The following OSBPL1A variants were observed in gnomAD, a reference collection of about 807,000 sequenced individuals.
OSBPL1A encodes the protein oxysterol-binding protein-related protein 1.
Under a neutral mutation model 137.1 loss-of-function variants are expected in OSBPL1A, and 80 were observed. The observed-to-expected ratio is 0.58, with a 90% CI of 0.49 to 0.70. The LOEUF is 0.70. Among genes scored for constraint, OSBPL1A ranks in the 30% least tolerant of loss-of-function variants. The pLI is 0.00. For missense variants in OSBPL1A, 970 were observed against 1,129.4 expected, an observed-to-expected ratio of 0.86 and a Z score of 2.02; for synonymous variants, 365 against 389.7, an observed-to-expected ratio of 0.94 and a Z score of 0.75.
intron 17 of OSBPL1A, among the ~76,000 whole-genome samples, chr18:24,196,460 C>T (rs113048494): frequency 6.6e-6 from 1 of 152,292 alleles, no homozygotes; most frequent in East Asian, 1.9e-4. Flanking sequence ...CCTCCCAGTC[C>T]TTGGGATCCA....
At chr18:24,175,125 T>TATATAC (rs2086407799) in intron 21 of OSBPL1A, among the ~76,000 whole-genome samples, 2 of 130,940 alleles carry the variant, frequency 1.5e-5, no homozygotes, top group African/African-American at 6.7e-5. Context: ...TATATATATA[T>TATATAC]ATATATATAT....
chr18:24,340,142 ATAC>A (rs2091249809), intron 5 of OSBPL1A, among the ~76,000 whole-genome samples: 1 of 152,352 alleles, frequency 6.6e-6, no homozygotes, highest in East Asian at 1.9e-4. Flanking sequence ...AACATTAGAA[ATAC>A]TACTAAAAAA....
At chr18:24,170,977 C>T (rs180675495) in intron 23 of OSBPL1A, among the ~76,000 whole-genome samples, 1 of 151,540 alleles carries the variant, frequency 6.6e-6, no homozygotes, top group East Asian at 1.9e-4. Context: ...AATAAACTTC[C>T]TTGTAGAAGA....
chr18:24,244,513 A>G (rs2088822986), intron 15 of OSBPL1A, among the ~76,000 whole-genome samples: 2 of 152,246 alleles, frequency 1.3e-5, no homozygotes, highest in Non-Finnish European at 2.9e-5. Flanking sequence ...CATTCAAGTT[A>G]ACAAAAATGT....
chr18:24,315,887 T>C (rs925708765), intron 11 of OSBPL1A, among the ~76,000 whole-genome samples: 1 of 128,746 alleles, frequency 7.8e-6, no homozygotes, highest in Non-Finnish European at 1.6e-5. Context: ...TAATAAAATA[T>C]ATTAAAGATA....
chr18:24,179,421 C>A, intron 20 of OSBPL1A: 1 of 294,434 alleles, frequency 3.4e-6, no homozygotes, highest in East Asian at 7.7e-5. Context: ...GCACATGTAC[C>A]CTAAAACTTA....
At chr18:24,272,169 G>T (rs1416603714) in intron 15 of OSBPL1A, 28 of 983,928 alleles carry the variant, frequency 2.8e-5, no homozygotes, top group Non-Finnish European at 3.4e-5. Context: ...GTGCCGCGCC[G>T]AGGCGCCTGC....
At chr18:24,376,314 G>A (rs910631874) in intron 2 of OSBPL1A, among the ~76,000 whole-genome samples, 25 of 152,266 alleles carry the variant, frequency 1.6e-4, no homozygotes, top group African/African-American at 6.0e-4. Flanking sequence ...GGACACAAAG[G>A]TTCTCCAAGG....
chr18:24,316,520 C>T (rs534531053), intron 11 of OSBPL1A, among the ~76,000 whole-genome samples: 2 of 152,154 alleles, frequency 1.3e-5, no homozygotes, highest in East Asian at 3.9e-4. Flanking sequence ...TGGTTATGTT[C>T]ATATCAGACA....
intron 1 of OSBPL1A, among the ~76,000 whole-genome samples, chr18:24,391,870 C>CT (rs200767550): frequency 9.8e-4 from 148 of 151,422 alleles, no homozygotes; most frequent in Middle Eastern, 6.8e-3. Context: ...TGTACTTTTT[C>CT]TTTTTTTTTG....
intron 14 of OSBPL1A, among the ~76,000 whole-genome samples, chr18:24,281,853 G>A (rs2089966185): frequency 1.3e-5 from 2 of 152,196 alleles, no homozygotes; most frequent in African/African-American, 4.8e-5. Flanking sequence ...GGTCCTGTTA[G>A]GAACCTGGCC....
At chr18:24,175,688 G>A (rs1173699066) in intron 21 of OSBPL1A, among the ~76,000 whole-genome samples, 1 of 151,858 alleles carries the variant, frequency 6.6e-6, no homozygotes, top group Non-Finnish European at 1.5e-5. Context: ...TATAATTTTG[G>A]TATCATATCC....
At chr18:24,349,093 G>A (rs182224845) in intron 4 of OSBPL1A, among the ~76,000 whole-genome samples, 1 of 152,170 alleles carries the variant, frequency 6.6e-6, no homozygotes, top group Non-Finnish European at 1.5e-5. Context: ...CTTGAGCCCA[G>A]GAGGTCGAGG....
intron 4 of OSBPL1A, among the ~76,000 whole-genome samples, chr18:24,349,696 A>G (rs1319651533): frequency 6.6e-6 from 1 of 150,914 alleles, no homozygotes; most frequent in African/African-American, 2.4e-5. Flanking sequence ...GTGGCCTGTA[A>G]GAGCTGAGAG....
chr18:24,389,908 G>C (rs953912363), intron 1 of OSBPL1A, among the ~76,000 whole-genome samples: 2 of 151,912 alleles, frequency 1.3e-5, no homozygotes, highest in South Asian at 4.2e-4. Context: ...CACCACTGCA[G>C]TCCAGCCTGG....
intron 7 of OSBPL1A, chr18:24,321,592 A>G: frequency 2.0e-5 from 9 of 455,092 alleles, no homozygotes; most frequent in South Asian, 1.5e-4. Flanking sequence ...CCTGGCCTTA[A>G]GTGTATTTTC....
At chr18:24,258,026 A>G (rs1205970971) in intron 15 of OSBPL1A, among the ~76,000 whole-genome samples, 1 of 152,226 alleles carries the variant, frequency 6.6e-6, no homozygotes, top group Non-Finnish European at 1.5e-5. Context: ...GAGAATGTAA[A>G]TTAGTGCAAC....
intron 17 of OSBPL1A, among the ~76,000 whole-genome samples, chr18:24,205,103 C>T (rs1056444329): frequency 6.6e-6 from 1 of 152,254 alleles, no homozygotes; most frequent in African/African-American, 2.4e-5. Flanking sequence ...CTCATTTAAT[C>T]CTCAAAGTAA....
intron 17 of OSBPL1A, among the ~76,000 whole-genome samples, chr18:24,220,298 T>G (rs182314835): frequency 6.6e-6 from 1 of 152,360 alleles, no homozygotes; most frequent in East Asian, 1.9e-4. Flanking sequence ...TGCCTGCTCC[T>G]TGGTCCCTAG....
Sources: gnomAD v4.1 joint callset for allele counts (sites outside exome capture counted in the v4.1 genomes callset) on GRCh38, gnomAD v4.1.1 for gene constraint, MANE v1.5 for transcripts, NCBI Gene and HGNC (gene_info 2026-07-23, HGNC 2026-07-21) for gene names.